CHRM2: variants seen among roughly 807,000 people sequenced by gnomAD.
The protein encoded by CHRM2 is muscarinic acetylcholine receptor M2.
Under a neutral mutation model 25.0 loss-of-function variants are expected in CHRM2, and 8 were observed. That is an observed-to-expected ratio of 0.32 (90% CI 0.19 to 0.58). CHRM2 has a LOEUF of 0.58. Ranked by LOEUF, CHRM2 falls within the 20% of genes least tolerant of loss-of-function variation. The pLI is 0.88. For missense variants in CHRM2, 440 were observed against 567.1 expected (o/e 0.78, Z 2.28); for synonymous variants, 202 against 205.7 (o/e 0.98, Z 0.15).
intron 2 of CHRM2, among the ~76,000 whole-genome samples, chr7:136,987,205 G>T (rs1430744909): frequency 6.6e-6 from 1 of 151,946 alleles, no homozygotes; most frequent in Non-Finnish European, 1.5e-5. Context: ...CTGTGACCCT[G>T]CTCCAGCACA....
chr7:136,986,092 T>C (rs1802836592), intron 2 of CHRM2, among the ~76,000 whole-genome samples: 1 of 152,036 alleles, frequency 6.6e-6, no homozygotes, highest in Non-Finnish European at 1.5e-5. Context: ...ATCCTAGAAA[T>C]AGATGAGAAC....
At chr7:136,930,664 A>G (rs1267086293) in intron 2 of CHRM2, among the ~76,000 whole-genome samples, 6 of 151,988 alleles carry the variant, frequency 3.9e-5, no homozygotes, top group South Asian at 2.1e-4. Context: ...TTGGGAGGCC[A>G]AGGAGGGTGG....
At chr7:136,973,283 G>A (rs1801895030) in intron 2 of CHRM2, among the ~76,000 whole-genome samples, 1 of 111,326 alleles carries the variant, frequency 9.0e-6, no homozygotes, top group Admixed American at 8.3e-5. Flanking sequence ...GTTAGGGATG[G>A]TGGCAGGTGA....
intron 3 of CHRM2, among the ~76,000 whole-genome samples, chr7:136,996,410 A>G (rs978693619): frequency 2.0e-5 from 3 of 152,138 alleles, no homozygotes; most frequent in South Asian, 4.1e-4. Flanking sequence ...AACTTCAAAC[A>G]GAATATTTTA....
At chr7:136,923,261 C>CT (rs5887816) in intron 2 of CHRM2, among the ~76,000 whole-genome samples, 498 of 139,374 alleles carry the variant, frequency 3.6e-3, no homozygotes, top group Middle Eastern at 0.011. Flanking sequence ...TACTTATTAG[C>CT]TTTTTTTTTT....
At position 137,015,220 on chromosome 7, in the gene CHRM2, T is replaced by C. The variant is rs1805090792; in HGVS notation, c.355T>C (p.Phe119Leu). 1 of 1,613,400 alleles carries C rather than the reference T, an allele frequency of 6.2e-7. No homozygotes were observed. Among genetic ancestry groups the C allele is most frequent in the Non-Finnish European group, 8.5e-7 (1 of 1,179,626 alleles). The change falls in exon 4 of 4, where the codon TTT becomes CTT. Residue 119 changes from phenylalanine (F) to leucine (L), a missense_variant. Phe to Leu is a conservative substitution (Grantham distance 22, BLOSUM62 0). Coordinates refer to ENST00000680005, the MANE Select transcript of CHRM2 (RefSeq NM_001006630.2). This position sits in a 1 kb window ranked among gnomAD's most constrained non-coding sequence, Gnocchi z 5.1. Reference protein sequence around the residue: ...ASVMNLLIISFDRYFCVTKPL... With the variant: ...ASVMNLLIISLDRYFCVTKPL... Reference sequence around the variant, plus strand: ...AGTTATGAATCTGCTCATCATCAGCTTTGACAGGTACTTCTGTGTCACAAA... The same window carrying C: ...AGTTATGAATCTGCTCATCATCAGCCTTGACAGGTACTTCTGTGTCACAAA...
chr7:136,997,474 T>C (rs1489693602), intron 3 of CHRM2, among the ~76,000 whole-genome samples: 1 of 152,152 alleles, frequency 6.6e-6, no homozygotes, highest in African/African-American at 2.4e-5. Context: ...AATTTGAAAA[T>C]CAGAAAAAGA....
At chr7:136,948,202 G>A (rs541966086) in intron 2 of CHRM2, among the ~76,000 whole-genome samples, 1 of 152,120 alleles carries the variant, frequency 6.6e-6, no homozygotes, top group Non-Finnish European at 1.5e-5. Context: ...CTATCATCTA[G>A]ATAGAAATGA....
At chr7:136,905,953 T>C (rs952961406) in intron 2 of CHRM2, among the ~76,000 whole-genome samples, 3 of 150,192 alleles carry the variant, frequency 2.0e-5, no homozygotes, top group African/African-American at 7.3e-5. Flanking sequence ...CAAAATGTTA[T>C]TTTTTTTTCA....
intron 2 of CHRM2, among the ~76,000 whole-genome samples, chr7:136,890,548 C>T (rs529755647): frequency 6.6e-6 from 1 of 152,194 alleles, no homozygotes; most frequent in Non-Finnish European, 1.5e-5. Flanking sequence ...CAGACACAGT[C>T]TATCAGGAGT....
intron 2 of CHRM2, chr7:136,906,789 T>C (rs1017472461): frequency 6.6e-6 from 1 of 151,752 alleles, no homozygotes; most frequent in Non-Finnish European, 1.5e-5. Flanking sequence ...GAAGATAATT[T>C]TTCTAGAAAC....
chr7:136,898,150 A>T (rs1797005545), intron 2 of CHRM2, among the ~76,000 whole-genome samples: 1 of 152,172 alleles, frequency 6.6e-6, no homozygotes, highest in Non-Finnish European at 1.5e-5. Context: ...TACAATTAGC[A>T]TTGCAAATTA....
chr7:136,891,746 T>C (rs1216132560), intron 2 of CHRM2, among the ~76,000 whole-genome samples: 5 of 152,184 alleles, frequency 3.3e-5, no homozygotes, highest in Admixed American at 1.3e-4. Flanking sequence ...TTAGAGTATA[T>C]GCCCTATATT....
chr7:136,930,898 CAAAAAAAAAAA>C (rs57705639), intron 2 of CHRM2, among the ~76,000 whole-genome samples: 47 of 61,152 alleles, frequency 7.7e-4, no homozygotes, highest in African/African-American at 1.6e-3. Flanking sequence ...CTCATTCTCT[CAAAAAAAAAAA>C]AAAAAAAAAA....
At chr7:136,926,336 T>C (rs1461038280) in intron 2 of CHRM2, among the ~76,000 whole-genome samples, 5 of 152,224 alleles carry the variant, frequency 3.3e-5, no homozygotes, top group Non-Finnish European at 5.9e-5. Context: ...TGACATATTT[T>C]TGAGCACCTA....
chr7:137,015,486 G>A lies in CHRM2; in HGVS notation c.621G>A (p.Trp207Ter). The change falls in exon 4 of 4, where the codon TGG becomes TGA. Residue 207 changes from tryptophan to a stop codon, truncating the protein, a stop_gained. Transcript: ENST00000680005. LOFTEE classifies it high-confidence loss of function. This position sits in a 1 kb window ranked among gnomAD's most constrained non-coding sequence, Gnocchi z 5.1. ...LPVIIMTVLY[W>*]HISRASKSRI... is the part of the protein sequence containing the mutation. ...TGATCATCATGACTGTGCTATATTG[G>A]CACATATCCCGAGCCAGCAAGAGCA... 6.2e-7 allele frequency: 1 copy of A among 1,613,228 alleles called. No homozygotes were observed. Among genetic ancestry groups the A allele is most frequent in the Non-Finnish European group, 8.5e-7 (1 of 1,179,622 alleles).
chr7:136,937,805 G>A (rs948297694), intron 2 of CHRM2, among the ~76,000 whole-genome samples: 23 of 152,228 alleles, frequency 1.5e-4, no homozygotes, highest in African/African-American at 4.1e-4. Context: ...TTTTGACACC[G>A]AACGTGACCA....
At chr7:136,971,987 C>T (rs1801805728) in intron 2 of CHRM2, among the ~76,000 whole-genome samples, 1 of 152,130 alleles carries the variant, frequency 6.6e-6, no homozygotes, top group South Asian at 2.1e-4. Context: ...AAAACTACTG[C>T]TTTGTTTACT....
At chr7:136,903,719 T>C (rs369479431) in intron 2 of CHRM2, among the ~76,000 whole-genome samples, 10 of 151,948 alleles carry the variant, frequency 6.6e-5, no homozygotes, top group South Asian at 4.1e-4. Flanking sequence ...TTTATTTATA[T>C]CTTTAATTGG....
Sources: allele counts gnomAD v4.1 joint callset (sites outside exome capture counted in the v4.1 genomes callset), GRCh38; gene constraint gnomAD v4.1.1; non-coding constraint Gnocchi (gnomAD v3.1); transcripts MANE v1.5; gene names NCBI Gene and HGNC (gene_info 2026-07-23, HGNC 2026-07-21).